Variants in FOXK2 observed in about 807,000 individuals in gnomAD.
FOXK2 encodes forkhead box protein K2.
In FOXK2, 24 loss-of-function variants were observed where a neutral mutation model predicts 53.3. That is an observed-to-expected ratio of 0.45 (90% confidence interval 0.33 to 0.63). The LOEUF (loss-of-function observed/expected upper bound fraction) is 0.63. FOXK2 is among the 30% of genes least tolerant of loss of function. The probability of loss-of-function intolerance (pLI) is 0.03; values close to 1 mark genes in which losing one functional copy is unlikely to be tolerated. For missense variants in FOXK2, 952 were observed against 910.5 expected (o/e 1.05, Z -0.59); for synonymous variants, 505 against 407.1 (o/e 1.24, Z -2.89).
intron 8 of FOXK2, among the ~76,000 whole-genome samples, chr17:82,589,997 G>C (rs1473410341): frequency 1.3e-5 from 2 of 151,466 alleles, no homozygotes; most frequent in Non-Finnish European, 2.9e-5. Flanking sequence ...AGTGAGCCGA[G>C]TTCAGACCAC....
intron 1 of FOXK2, among the ~76,000 whole-genome samples, chr17:82,547,736 G>A (rs2044640597): frequency 6.6e-6 from 1 of 152,116 alleles, no homozygotes; most frequent in South Asian, 2.1e-4. Context: ...AATAGATCCA[G>A]ATATTACCCC....
chr17:82,582,832 T>C lies in FOXK2; in HGVS notation c.1001T>C (p.Ile334Thr), dbSNP rs2045080080. ...EEPGKGSFWRIDPASESKLIE... is the reference protein window; with the variant it reads ...EEPGKGSFWRTDPASESKLIE... ...CCAGGCAAAGGCTCGTTCTGGAGGATAGACCCAGCCTCTGAAAGCAAATTA... is the reference window on the plus strand; with the variant it reads ...CCAGGCAAAGGCTCGTTCTGGAGGACAGACCCAGCCTCTGAAAGCAAATTA... The change falls in exon 5 of 9, where the codon ATA (isoleucine) becomes ACA (threonine). Residue 334 changes from isoleucine (I) to threonine (T), a missense_variant. Ile to Thr is a moderately conservative substitution (Grantham distance 89). This residue lies in a region of FOXK2 where 160 missense variants were observed against 214.2 expected (regional missense o/e 0.75). Coordinates refer to ENST00000335255, the MANE Select transcript of FOXK2 (RefSeq NM_004514.4). 1 of 1,613,356 alleles carries C rather than the reference T, an allele frequency of 6.2e-7. No homozygotes were observed. Among genetic ancestry groups the C allele is most frequent in the Admixed American group, 1.7e-5 (1 of 59,888 alleles).
chr17:82,570,403 G>A (rs1004694703), intron 3 of FOXK2, among the ~76,000 whole-genome samples: 1 of 152,146 alleles, frequency 6.6e-6, no homozygotes, highest in Non-Finnish European at 1.5e-5. Flanking sequence ...TGAGGTGGGA[G>A]GATCACCTGA....
At chr17:82,595,502 C>T (rs192752353) in intron 8 of FOXK2, among the ~76,000 whole-genome samples, 7 of 152,138 alleles carry the variant, frequency 4.6e-5, no homozygotes, top group East Asian at 3.9e-4. Context: ...GGGGTCTTAC[C>T]GTGCTGCTCA....
In FOXK2 at chr17:82,544,138, C is replaced by T. The variant is rs180698886; in HGVS notation, c.420-19216C>T. On this transcript the variant is annotated intron_variant, in intron 1 of 8. Coordinates refer to ENST00000335255, the MANE Select transcript of FOXK2 (RefSeq NM_004514.4). ...ATGTTGCACAAGCTGGTCTTGAACT[C>T]CTGGGCTCAGTTGATCCTCCCACTT... Among the ~76,000 whole-genome samples, 446 of 152,220 alleles carry T rather than the reference C, an allele frequency of 2.9e-3. 1 individual carries two copies. Among genetic ancestry groups the T allele is most frequent in the African/African-American group, 0.01 (420 of 41,536 alleles).
Position 82,587,097 on chromosome 17 carries a change from C to T in FOXK2, c.1611C>T (p.Ala537=), listed in dbSNP as rs777225387. The T allele has an allele frequency of 6.2e-7, 1 of 1,613,036 alleles. No individual in the cohort carries two copies. Among genetic ancestry groups the T allele is most frequent in the East Asian group, 2.2e-5 (1 of 44,892 alleles). Residue 537 remains alanine (A), a synonymous_variant, in exon 8 of 9, where the codon GCC becomes GCT. Coordinates refer to ENST00000335255, the MANE Select transcript of FOXK2 (RefSeq NM_004514.4). ...KVEPIPAIGH[A]TLGTASRIIQ... is the part of the protein sequence containing the mutation. ...AGCCTATTCCCGCCATTGGCCACGC[C>T]ACGCTCGGCACTGCCAGCCGGATCA... is the stretch of plus-strand genomic sequence containing the variant.
intron 4 of FOXK2, chr17:82,576,641 C>T: frequency 2.6e-6 from 3 of 1,134,640 alleles, no homozygotes; most frequent in Non-Finnish European, 3.9e-6. Context: ...GGGAAGCTGG[C>T]ACAGAAGATG....
rs1260597937 is a variant in FOXK2, at chr17:82,538,942, C to T, written c.419+18635C>T. On this transcript the variant is annotated intron_variant, in intron 1 of 8. Transcript: ENST00000335255. Reference sequence around the variant, plus strand: ...AGAGTCCTTCAGAATTTTGATTCTTCTTCCTCTCCTGGTTTATCTTCTGGT... The same window carrying T: ...AGAGTCCTTCAGAATTTTGATTCTTTTTCCTCTCCTGGTTTATCTTCTGGT... Among the ~76,000 whole-genome samples, 3 of 152,220 alleles carry T rather than the reference C, an allele frequency of 2.0e-5. No homozygotes were observed. The East Asian group carries it at 5.8e-4, about 29-fold the overall frequency.
chr17:82,543,393 A>C (rs1369979325), intron 1 of FOXK2, among the ~76,000 whole-genome samples: 2 of 152,116 alleles, frequency 1.3e-5, no homozygotes, highest in African/African-American at 2.4e-5. Context: ...CTGGCATCTA[A>C]ATGAAGGCTT....
rs1448281489 is a variant in FOXK2, at chr17:82,581,483, T to TTC, written c.910-1257_910-1256insCT. On this transcript the variant is annotated intron_variant, in intron 4 of 8. Transcript: ENST00000335255. Reference sequence around the variant, plus strand: ...CCCGGATGATTTTTGTGTGGGTTTTTTTTTTTTTTTGAGATGGAGTCTTAC... The same window carrying TTC: ...CCCGGATGATTTTTGTGTGGGTTTTTTCTTTTTTTTTTGAGATGGAGTCTTAC... Among the ~76,000 whole-genome samples the TTC allele has an allele frequency of 2.0e-5, 3 of 148,780 alleles. No homozygotes were observed. In the East Asian group the frequency reaches 5.9e-4, roughly 29 times the overall value.
intron 6 of FOXK2, among the ~76,000 whole-genome samples, chr17:82,585,593 C>T (rs1260301374): frequency 6.6e-6 from 1 of 152,166 alleles, no homozygotes; most frequent in African/African-American, 2.4e-5. Flanking sequence ...AGCCACTGCG[C>T]CCGGCCCAGT....
chr17:82,520,105 A>G lies in FOXK2; in HGVS notation c.217A>G (p.Ser73Gly). The change falls in exon 1 of 9, where the codon AGC becomes GGC. Residue 73 changes from serine (S) to glycine (G), a missense_variant. Coordinates refer to ENST00000335255, the MANE Select transcript of FOXK2 (RefSeq NM_004514.4). ...GSVDVSMGHS[S>G]FISRRHLEIF... ...GGTGGACGTGAGCATGGGCCACTCG[A>G]GCTTCATCTCCCGGCGCCACCTCGA... is the stretch of plus-strand genomic sequence containing the variant. 2 of 1,504,022 alleles carry G rather than the reference A, an allele frequency of 1.3e-6. No individual in the cohort carries two copies. The highest frequency in any genetic ancestry group is 1.8e-6 in the Non-Finnish European group (2 of 1,132,388). 93.2% of individuals were successfully genotyped at this position (1,504,022 alleles called of 1,614,324 possible).
intron 8 of FOXK2, among the ~76,000 whole-genome samples, chr17:82,594,292 A>G (rs2045286540): frequency 6.6e-6 from 1 of 152,216 alleles, no homozygotes; most frequent in East Asian, 1.9e-4. Context: ...AGGTCAGGAG[A>G]TTGAGACCAT....
Position 82,563,552 on chromosome 17 carries a change from C to T in FOXK2, c.614+4C>T, listed in dbSNP as rs755477837. 3.5e-5 allele frequency: 57 copies of T among 1,609,636 alleles called. No homozygotes were observed. The highest frequency in any genetic ancestry group is 2.1e-4 in the East Asian group (9 of 43,734). The stretch of plus-strand genomic sequence containing the variant: ...CCTCCCCCACGGGAACCATCAGGTG[C>T]GGCCATGGGGATGGGGGACTGGAGC... On this transcript the variant is annotated splice_donor_region_variant and intron_variant, in intron 2 of 8. Coordinates refer to ENST00000335255, the MANE Select transcript of FOXK2 (RefSeq NM_004514.4).
chr17:82,532,539 A>G (rs988190797), intron 1 of FOXK2, among the ~76,000 whole-genome samples: 5 of 152,220 alleles, frequency 3.3e-5, no homozygotes, highest in African/African-American at 1.2e-4. Context: ...TTTACTTTAT[A>G]AACTAATACT....
chr17:82,568,278 C>G (rs1253931871), intron 3 of FOXK2, 77 bp downstream of exon 3: 6 of 1,540,964 alleles, frequency 3.9e-6, no homozygotes, highest in Admixed American at 1.9e-5. Flanking sequence ...ACCTGCCTGT[C>G]ACTCACCTGC....
intron 1 of FOXK2, among the ~76,000 whole-genome samples, chr17:82,549,975 G>T (rs560347482): frequency 2.0e-4 from 30 of 152,258 alleles, no homozygotes; most frequent in African/African-American, 7.0e-4. Context: ...GATTGAGGTG[G>T]GTGCATCACT....
chr17:82,551,603 C>T (rs7215188), intron 1 of FOXK2, among the ~76,000 whole-genome samples: 25,099 of 152,022 alleles, frequency 0.17, 2,578 homozygotes, highest in East Asian at 0.39. Context: ...CTCACTTGAA[C>T]TTGAGAGATG....
intron 8 of FOXK2, among the ~76,000 whole-genome samples, chr17:82,597,924 A>G (rs922474312): frequency 5.3e-5 from 8 of 152,100 alleles, no homozygotes; most frequent in Non-Finnish European, 8.8e-5. Flanking sequence ...TGCTGGGATT[A>G]CAGGCGTGAG....
Sources: gnomAD v4.1 joint callset for allele counts (sites outside exome capture counted in the v4.1 genomes callset) on GRCh38, gnomAD v4.1.1 for gene constraint, gnomAD v4.1.1 regional missense constraint, MANE v1.5 for transcripts, NCBI Gene and HGNC (gene_info 2026-07-23, HGNC 2026-07-21) for gene names.